The following TOX variants were observed in gnomAD, a reference collection of about 807,000 sequenced individuals.
TOX encodes thymocyte selection-associated high mobility group box protein TOX.
TOX carries 11 observed loss-of-function variants against 53.7 expected under a neutral mutation model. The ratio of observed to expected loss-of-function variants is 0.20; its 90% confidence interval spans 0.13 to 0.34. The LOEUF (loss-of-function observed/expected upper bound fraction) is 0.34. Ranked by LOEUF, TOX falls within the 10% of genes least tolerant of loss-of-function variation. The pLI, the probability that TOX is intolerant of heterozygous loss-of-function variation, is 1.00. For synonymous variants in TOX, 225 were observed against 245.3 expected, an observed-to-expected ratio of 0.92 and a Z score of 0.77; for missense variants, 570 against 664.6, an observed-to-expected ratio of 0.86 and a Z score of 1.56.
At chr8:58,901,059 G>A (rs1811727806) in intron 3 of TOX, among the ~76,000 whole-genome samples, 1 of 152,074 alleles carries the variant, frequency 6.6e-6, no homozygotes, top group African/African-American at 2.4e-5. Flanking sequence ...TTAGAAACCA[G>A]TAACAGAGTA....
intron 1 of TOX, among the ~76,000 whole-genome samples, chr8:59,083,927 C>T (rs1047232726): frequency 6.6e-6 from 1 of 152,088 alleles, no homozygotes; most frequent in Non-Finnish European, 1.5e-5. Flanking sequence ...GTTAAAAATA[C>T]TGTTAGGGCA....
intron 1 of TOX, among the ~76,000 whole-genome samples, chr8:59,071,283 A>C (rs1040057731): frequency 1.3e-5 from 2 of 151,916 alleles, no homozygotes; most frequent in Admixed American, 6.6e-5. Context: ...AGGGTGACAC[A>C]CTCTCCACCC....
intron 3 of TOX, among the ~76,000 whole-genome samples, chr8:58,903,492 T>C (rs1367527904): frequency 6.6e-6 from 1 of 152,248 alleles, no homozygotes; most frequent in Non-Finnish European, 1.5e-5. Flanking sequence ...AATTCAGATA[T>C]AGTTTTTCTC....
intron 3 of TOX, among the ~76,000 whole-genome samples, chr8:58,861,991 G>C (rs1253488207): frequency 1.3e-5 from 2 of 152,112 alleles, no homozygotes; most frequent in Non-Finnish European, 2.9e-5. Flanking sequence ...GAGCCAGACA[G>C]CTTCCCTGTG....
chr8:59,020,628 T>TGAAAAG (rs1814106349), intron 1 of TOX, among the ~76,000 whole-genome samples: 1 of 152,122 alleles, frequency 6.6e-6, no homozygotes, highest in South Asian at 2.1e-4. Flanking sequence ...TGTAAAAGTA[T>TGAAAAG]TATCATACTT....
At chr8:58,888,385 C>CACT (rs923299189) in intron 3 of TOX, among the ~76,000 whole-genome samples, 1 of 151,866 alleles carries the variant, frequency 6.6e-6, no homozygotes, top group Non-Finnish European at 1.5e-5. Context: ...TTACTTAAAA[C>CACT]ACTACTGAAG....
chr8:59,075,086 G>A (rs1804268363), intron 1 of TOX, among the ~76,000 whole-genome samples: 3 of 152,150 alleles, frequency 2.0e-5, no homozygotes, highest in African/African-American at 4.8e-5. Flanking sequence ...GTATTAATAT[G>A]ATGAAGAAAA....
chr8:58,970,128 A>G (rs1812976251), intron 1 of TOX, among the ~76,000 whole-genome samples: 1 of 152,196 alleles, frequency 6.6e-6, no homozygotes, highest in Non-Finnish European at 1.5e-5. Flanking sequence ...ACACACATGC[A>G]TTAACTCATT....
chr8:58,965,087 A>C (rs1287815870), intron 1 of TOX, among the ~76,000 whole-genome samples: 1 of 152,238 alleles, frequency 6.6e-6, no homozygotes, highest in Non-Finnish European at 1.5e-5. Flanking sequence ...AACTGAATTT[A>C]GGCATCATAA....
chr8:59,092,594 A>C (rs974612537), intron 1 of TOX, among the ~76,000 whole-genome samples: 2 of 151,774 alleles, frequency 1.3e-5, no homozygotes, highest in Non-Finnish European at 2.9e-5. Context: ...TCTTTAACGT[A>C]ACTCAAGAGG....
intron 1 of TOX, among the ~76,000 whole-genome samples, chr8:58,999,325 A>G (rs905829902): frequency 1.1e-4 from 16 of 149,942 alleles, no homozygotes; most frequent in African/African-American, 3.9e-4. Flanking sequence ...AAACAATTTC[A>G]GGAAAAAAAA....
chr8:59,063,898 ATG>A (rs35691859), intron 1 of TOX, among the ~76,000 whole-genome samples: 15,658 of 151,336 alleles, frequency 0.1, 1,661 homozygotes, highest in East Asian at 0.5. Flanking sequence ...TAAATCATGT[ATG>A]TGTGTGTGTG....
intron 5 of TOX, among the ~76,000 whole-genome samples, chr8:58,834,444 A>G (rs1400504417): frequency 6.6e-6 from 1 of 152,228 alleles, no homozygotes; most frequent in Non-Finnish European, 1.5e-5. Context: ...AAAAATACAT[A>G]GCAGTATGTG....
intron 1 of TOX, among the ~76,000 whole-genome samples, chr8:59,107,056 G>GT (rs1298771966): frequency 1.6e-5 from 2 of 126,774 alleles, no homozygotes; most frequent in Non-Finnish European, 1.7e-5. Flanking sequence ...TGGGGGGGGG[G>GT]GGAACGTGAC....
chr8:58,896,843 C>T (rs1811656891), intron 3 of TOX, among the ~76,000 whole-genome samples: 1 of 152,192 alleles, frequency 6.6e-6, no homozygotes, highest in Admixed American at 6.5e-5. Flanking sequence ...TTTAGTTACT[C>T]ACTCTTCTGC....
intron 1 of TOX, among the ~76,000 whole-genome samples, chr8:59,112,741 G>A (rs1363423175): frequency 2.0e-5 from 3 of 152,278 alleles, no homozygotes; most frequent in South Asian, 4.1e-4. Context: ...AGCTTCTTGA[G>A]GGCAAGAACT....
At chr8:59,009,504 C>T (rs2129418632) in intron 1 of TOX, among the ~76,000 whole-genome samples, 2 of 152,242 alleles carry the variant, frequency 1.3e-5, no homozygotes, top group South Asian at 4.2e-4. Flanking sequence ...TCCTGAGTAG[C>T]TGGGACTACA....
chr8:58,871,714 G>A (rs569333630), intron 3 of TOX, among the ~76,000 whole-genome samples: 1 of 152,270 alleles, frequency 6.6e-6, no homozygotes, highest in South Asian at 2.1e-4. Context: ...GTGGATGTGG[G>A]TGCCAAGTTT....
At chr8:58,865,930 G>T (rs1296894862) in intron 3 of TOX, among the ~76,000 whole-genome samples, 1 of 143,290 alleles carries the variant, frequency 7.0e-6, no homozygotes, top group Admixed American at 7.4e-5. Context: ...CACCTCCCAG[G>T]TTCAAGTGAT....
Sources: gnomAD v4.1 joint callset for allele counts (sites outside exome capture counted in the v4.1 genomes callset) on GRCh38, gnomAD v4.1.1 for gene constraint, MANE v1.5 for transcripts, NCBI Gene and HGNC (gene_info 2026-07-23, HGNC 2026-07-21) for gene names.